The following RHOBTB1 variants were observed in gnomAD, a reference collection of about 807,000 sequenced individuals.
The protein encoded by RHOBTB1 is rho-related BTB domain-containing protein 1.
In RHOBTB1, 40 loss-of-function variants were observed where a neutral mutation model predicts 71.6. That is an observed-to-expected ratio of 0.56 (90% CI 0.43 to 0.73). RHOBTB1 has a LOEUF of 0.73. Among genes scored for constraint, RHOBTB1 ranks in the 30% least tolerant of loss-of-function variants. RHOBTB1 has a pLI of 0.00. For synonymous variants in RHOBTB1, 319 were observed against 334.9 expected (o/e 0.95, Z 0.52); for missense variants, 797 against 894.0 (o/e 0.89, Z 1.38).
intron 10 of RHOBTB1, 170 bp downstream of exon 10, chr10:60,872,015 C>A (rs2080813025): frequency 1.5e-6 from 1 of 663,310 alleles, no homozygotes; most frequent in Non-Finnish European, 2.7e-6. Flanking sequence ...AGACAATTCC[C>A]AGCCTTCAAT....
chr10:60,951,925 G>T (rs1012022696), intron 2 of RHOBTB1, among the ~76,000 whole-genome samples: 1 of 152,026 alleles, frequency 6.6e-6, no homozygotes, highest in South Asian at 2.1e-4. Context: ...GGGCATGCTG[G>T]CAGGCACCTG....
At chr10:60,905,287 A>G (rs2082609745) in intron 4 of RHOBTB1, among the ~76,000 whole-genome samples, 1 of 151,870 alleles carries the variant, frequency 6.6e-6, no homozygotes, top group Non-Finnish European at 1.5e-5. Flanking sequence ...CAGCTCTACT[A>G]AAAATACAAA....
rs370336190 is a variant in RHOBTB1 at position 60,885,119 on chromosome 10, TGACTATGGTG to T, written c.1575+983_1575+992del. Among the ~76,000 whole-genome samples, 987 of 152,240 alleles carry T rather than the reference TGACTATGGTG, an allele frequency of 6.5e-3. 9 individuals carry two copies. Among genetic ancestry groups the T allele is most frequent in the African/African-American group, 0.023 (939 of 41,556 alleles). ...TGTGGTGTTCTATTGCACAGTATGGTGACTATGGTGGACAATAATGTATCGTATATTTCAA... is the reference window on the plus strand; with the variant it reads ...TGTGGTGTTCTATTGCACAGTATGGTGACAATAATGTATCGTATATTTCAA... On this transcript the variant is annotated intron_variant, in intron 7 of 10. Transcript: ENST00000337910.
At chr10:60,987,054 C>T (rs931956906) in intron 1 of RHOBTB1, among the ~76,000 whole-genome samples, 3 of 152,278 alleles carry the variant, frequency 2.0e-5, no homozygotes, top group Admixed American at 1.3e-4. Context: ...ACAAAACGGA[C>T]AGCTGCACAG....
At chr10:60,979,440 A>G (rs978074833) in intron 2 of RHOBTB1, among the ~76,000 whole-genome samples, 2 of 152,214 alleles carry the variant, frequency 1.3e-5, no homozygotes, top group Admixed American at 6.5e-5. Flanking sequence ...GCTGTGGGTA[A>G]GGGGATCAAA....
At chr10:60,864,761 C>T (rs539156910), downstream of RHOBTB1, among the ~76,000 whole-genome samples, 3 of 151,526 alleles carry the variant, frequency 2.0e-5, no homozygotes, top group Non-Finnish European at 2.9e-5. Context: ...AGTGGGATCT[C>T]GGCTCACTGC....
chr10:60,908,403 T>C (rs771782212), intron 4 of RHOBTB1, among the ~76,000 whole-genome samples: 5 of 152,246 alleles, frequency 3.3e-5, no homozygotes, highest in Non-Finnish European at 7.3e-5. Context: ...TCAAAGTTTA[T>C]GTCTTGAGTA....
upstream of RHOBTB1, among the ~76,000 whole-genome samples, chr10:60,946,539 A>T (rs2085243585): frequency 2.0e-5 from 3 of 152,208 alleles, no homozygotes; most frequent in South Asian, 4.1e-4. Flanking sequence ...GGTAACAGGC[A>T]TGCAGAAGTT....
chr10:60,966,497 C>T (rs1006853949), intron 2 of RHOBTB1, among the ~76,000 whole-genome samples: 2 of 151,234 alleles, frequency 1.3e-5, no homozygotes, highest in Non-Finnish European at 2.9e-5. Context: ...TAGCCAGACC[C>T]TATCTCTAAT....
intron 2 of RHOBTB1, among the ~76,000 whole-genome samples, chr10:60,976,723 T>A (rs566517459): frequency 1.0e-3 from 153 of 152,156 alleles, no homozygotes; most frequent in African/African-American, 3.6e-3. Context: ...GTTTTATATT[T>A]CACTATATAC....
intron 2 of RHOBTB1, among the ~76,000 whole-genome samples, chr10:60,938,764 G>A (rs1318396872): frequency 1.3e-5 from 2 of 152,226 alleles, no homozygotes; most frequent in South Asian, 2.1e-4. Flanking sequence ...ATATATTCAA[G>A]TTCTTAGACA....
At chr10:60,866,117 C>T (rs1475571383), downstream of RHOBTB1, among the ~76,000 whole-genome samples, 1 of 152,180 alleles carries the variant, frequency 6.6e-6, no homozygotes, top group Non-Finnish European at 1.5e-5. Context: ...CAGGAGTGAG[C>T]CACTGTGCCC....
At chr10:60,943,817 G>C (rs370725833) in intron 1 of RHOBTB1, among the ~76,000 whole-genome samples, 154 bp downstream of exon 1, 1 of 152,024 alleles carries the variant, frequency 6.6e-6, no homozygotes, top group Admixed American at 6.5e-5. Flanking sequence ...CCCCCTAGCG[G>C]CTCGGTCCCA....
chr10:60,913,280 T>G (rs1376372271), intron 2 of RHOBTB1, among the ~76,000 whole-genome samples: 1 of 152,044 alleles, frequency 6.6e-6, no homozygotes, highest in East Asian at 1.9e-4. Context: ...TGGAGTAGAG[T>G]GATTCAAGGA....
At chr10:60,999,997 C>G (rs1337783253) in intron 1 of RHOBTB1, among the ~76,000 whole-genome samples, 1 of 152,188 alleles carries the variant, frequency 6.6e-6, no homozygotes, top group Non-Finnish European at 1.5e-5. Context: ...GTTTAATTGA[C>G]AGGAAACATG....
chr10:60,909,350 G>A (rs2082849435), intron 4 of RHOBTB1, among the ~76,000 whole-genome samples: 1 of 151,770 alleles, frequency 6.6e-6, no homozygotes, highest in African/African-American at 2.4e-5. Context: ...CACAGGTATT[G>A]ACAAATGCAT....
Position 60,889,145 on chromosome 10 carries a change from G to A in RHOBTB1, c.523C>T (p.Arg175Ter), listed in dbSNP as rs1220716177. Residue 175 changes from arginine (R) to a stop codon, truncating the protein, a stop_gained, in exon 6 of 11, where the codon CGA becomes TGA. Coordinates refer to ENST00000337910, the MANE Select transcript of RHOBTB1 (RefSeq NM_014836.5). LOFTEE classifies it high-confidence loss of function. ...AAGCCAAGTTCCTTTGCTACCTCTC[G>A]GCCTTTTTCTGGGGGCAAAATATCC... ...RGDILPPEKGREVAKELGLPY... is the reference protein window; with the variant it reads ...RGDILPPEKG 2 of 1,612,928 alleles carry A rather than the reference G, an allele frequency of 1.2e-6. No individual in the cohort carries two copies. Among genetic ancestry groups the A allele is most frequent in the East Asian group, 2.2e-5 (1 of 44,862 alleles).
upstream of RHOBTB1, among the ~76,000 whole-genome samples, chr10:60,947,423 A>G (rs1279853417): frequency 1.3e-5 from 2 of 152,204 alleles, no homozygotes; most frequent in Non-Finnish European, 2.9e-5. Context: ...CAAGCTAGAC[A>G]TAGAATTGTT....
chr10:60,989,596 C>A (rs1164555076), intron 1 of RHOBTB1, among the ~76,000 whole-genome samples: 1 of 152,260 alleles, frequency 6.6e-6, no homozygotes, highest in African/African-American at 2.4e-5. Flanking sequence ...CCAGTGACAG[C>A]TCACAGCAGT....
Sources: gnomAD v4.1 joint callset for allele counts (sites outside exome capture counted in the v4.1 genomes callset) on GRCh38, gnomAD v4.1.1 for gene constraint, MANE v1.5 for transcripts, NCBI Gene and HGNC (gene_info 2026-07-23, HGNC 2026-07-21) for gene names.